The following CATSPERB variants were observed in gnomAD, a reference collection of about 807,000 sequenced individuals.
The protein encoded by CATSPERB is cation channel sperm-associated auxiliary subunit beta.
In CATSPERB, 93 loss-of-function variants were observed where a neutral mutation model predicts 128.3. The observed-to-expected ratio is 0.72, with a 90% confidence interval of 0.61 to 0.86. CATSPERB has a LOEUF of 0.86. Ranked by LOEUF, CATSPERB falls within the 40% of genes least tolerant of loss-of-function variation. The probability of loss-of-function intolerance (pLI) is 0.00; values close to 1 mark genes in which losing one functional copy is unlikely to be tolerated. For synonymous variants in CATSPERB, 381 were observed against 448.8 expected, an observed-to-expected ratio of 0.85 and a Z score of 1.91; for missense variants, 1,153 against 1,329.5, an observed-to-expected ratio of 0.87 and a Z score of 2.06.
chr14:91,590,147 A>G (rs1014571117), intron 23 of CATSPERB, among the ~76,000 whole-genome samples: 1 of 152,212 alleles, frequency 6.6e-6, no homozygotes, highest in Non-Finnish European at 1.5e-5. Context: ...ATCACGGAGA[A>G]GGCTTAGAGT....
chr14:91,632,142 T>G (rs1285609), intron 17 of CATSPERB, among the ~76,000 whole-genome samples: 100,906 of 151,974 alleles, frequency 0.66, 34,319 homozygotes, highest in Admixed American at 0.76. Context: ...TGAACTAAAC[T>G]CTCCAACTAA....
intron 15 of CATSPERB, among the ~76,000 whole-genome samples, chr14:91,648,667 T>C (rs1894650136): frequency 1.3e-5 from 2 of 152,348 alleles, no homozygotes; most frequent in South Asian, 4.1e-4. Context: ...TATTGAATAC[T>C]TTCAGCCTAA....
intron 14 of CATSPERB, among the ~76,000 whole-genome samples, chr14:91,665,917 T>C (rs918093910): frequency 3.9e-5 from 6 of 152,272 alleles, no homozygotes; most frequent in Admixed American, 2.6e-4. Context: ...CCTACCCAGA[T>C]CTCATCTTGA....
At chr14:91,590,329 G>C (rs1295652089) in intron 23 of CATSPERB, among the ~76,000 whole-genome samples, 1 of 152,132 alleles carries the variant, frequency 6.6e-6, no homozygotes, top group African/African-American at 2.4e-5. Context: ...TCAGGAGTTT[G>C]AGACCAGTAT....
At chr14:91,674,924 C>G (rs1054243063) in intron 11 of CATSPERB, among the ~76,000 whole-genome samples, 16 of 152,216 alleles carry the variant, frequency 1.1e-4, no homozygotes, top group Non-Finnish European at 1.8e-4. Context: ...GTTCCCCCTT[C>G]TAAACTCCTC....
At chr14:91,694,274 G>A (rs968136348) in intron 7 of CATSPERB, among the ~76,000 whole-genome samples, 2 of 151,616 alleles carry the variant, frequency 1.3e-5, no homozygotes, top group East Asian at 1.9e-4. Context: ...GTATAACCCT[G>A]TCTCTACAAA....
At chr14:91,650,692 C>CCATG (rs1361654310) in intron 15 of CATSPERB, among the ~76,000 whole-genome samples, 10 of 150,732 alleles carry the variant, frequency 6.6e-5, no homozygotes, top group Non-Finnish European at 8.9e-5. Context: ...TTGTATTTAT[C>CCATG]CATCCATCCA....
At chr14:91,683,611 TTAGTCTACAACCTGGCC>T (rs918751697) in intron 11 of CATSPERB, among the ~76,000 whole-genome samples, 1 of 151,970 alleles carries the variant, frequency 6.6e-6, no homozygotes, top group Non-Finnish European at 1.5e-5. Flanking sequence ...CTCAAGGAGG[TTAGTCTACAACCTGGCC>T]ATCGTGAAGA....
Position 91,693,430 on chromosome 14 carries a change from G to A in CATSPERB, c.666C>T (p.Thr222=), listed in dbSNP as rs762524970. The change falls in exon 8 of 27, where the codon ACC becomes ACT. Residue 222 remains threonine, a synonymous_variant. Transcript: ENST00000256343. The stretch of plus-strand genomic sequence containing the variant: ...TAGTCTGTGTCATGTTAAACCATGT[G>A]GTATCATAATCATGCCAGAATCCAC... ...TFGGFWHDYD[T]TWFNMTQTIY... 6.2e-7 allele frequency: 1 copy of A among 1,613,992 alleles called. No homozygotes were observed. The highest frequency in any genetic ancestry group is 2.2e-5 in the East Asian group (1 of 44,874).
intron 16 of CATSPERB, among the ~76,000 whole-genome samples, chr14:91,637,388 A>G (rs1166368275): frequency 1.3e-5 from 2 of 152,190 alleles, no homozygotes; most frequent in Non-Finnish European, 2.9e-5. Flanking sequence ...AGGAAAATCA[A>G]TGTGGGATTG....
intron 1 of CATSPERB, among the ~76,000 whole-genome samples, chr14:91,730,417 T>C (rs1896192471): frequency 6.6e-6 from 1 of 152,206 alleles, no homozygotes; most frequent in Non-Finnish European, 1.5e-5. Context: ...GACACCTTGA[T>C]CTCAGATTTC....
chr14:91,645,905 T>G (rs1894593179), intron 15 of CATSPERB, among the ~76,000 whole-genome samples: 1 of 146,418 alleles, frequency 6.8e-6, no homozygotes, highest in South Asian at 2.4e-4. Flanking sequence ...GGATATAGTC[T>G]CGTGGTGCGC....
At chr14:91,683,490 C>A (rs1426131040) in intron 11 of CATSPERB, among the ~76,000 whole-genome samples, 1 of 151,848 alleles carries the variant, frequency 6.6e-6, no homozygotes, top group African/African-American at 2.4e-5. Flanking sequence ...TCCCACCCGA[C>A]ACTCCCTTGT....
Position 91,672,890 on chromosome 14 carries a change from C to G in CATSPERB, c.1105G>C (p.Gly369Arg), listed in dbSNP as rs771591172. 6.3e-7 allele frequency: 1 copy of G among 1,585,470 alleles called. No homozygotes were observed. The highest frequency in any genetic ancestry group is 2.0e-5 in the Admixed American group (1 of 50,106). ...TFLVDQERGT[G>R]VYLFYNKVRK... ...ACCTTGTTATAGAAGAGGTAAACTCCAGTACCACGCTCTTGGTCAACAAGA... is the reference window on the plus strand; with the variant it reads ...ACCTTGTTATAGAAGAGGTAAACTCGAGTACCACGCTCTTGGTCAACAAGA... Residue 369 changes from glycine (G) to arginine (R), a missense_variant, in exon 13 of 27, where the codon GGA becomes CGA. Coordinates refer to ENST00000256343, the MANE Select transcript of CATSPERB (RefSeq NM_024764.4).
intron 11 of CATSPERB, among the ~76,000 whole-genome samples, chr14:91,679,208 A>G (rs1486147252): frequency 6.6e-6 from 1 of 152,178 alleles, no homozygotes; most frequent in African/African-American, 2.4e-5. Flanking sequence ...TATTTCATCT[A>G]TAAAATGTTA....
intron 14 of CATSPERB, among the ~76,000 whole-genome samples, chr14:91,663,438 G>A (rs1465424924): frequency 6.6e-6 from 1 of 152,090 alleles, no homozygotes; most frequent in African/African-American, 2.4e-5. Context: ...GAGGTCAGGA[G>A]ATCGAGACCA....
chr14:91,728,203 T>A (rs1896150344), intron 2 of CATSPERB, among the ~76,000 whole-genome samples: 1 of 152,178 alleles, frequency 6.6e-6, no homozygotes, highest in South Asian at 2.1e-4. Context: ...AACTTCTGCC[T>A]CCTGGGGCTC....
At chr14:91,713,605 T>C (rs141820929) in intron 5 of CATSPERB, among the ~76,000 whole-genome samples, 127 of 152,274 alleles carry the variant, frequency 8.3e-4, no homozygotes, top group African/African-American at 2.9e-3. Flanking sequence ...AGACACAAAC[T>C]GTCAAAGCTC....
At chr14:91,603,529 G>A (rs566405033) in intron 22 of CATSPERB, 30 of 837,858 alleles carry the variant, frequency 3.6e-5, no homozygotes, top group South Asian at 3.2e-4. Flanking sequence ...CAGCAAGGAA[G>A]GGGTGCAGGC....
Sources: allele counts gnomAD v4.1 joint callset (sites outside exome capture counted in the v4.1 genomes callset), GRCh38; gene constraint gnomAD v4.1.1; transcripts MANE v1.5; gene names NCBI Gene and HGNC (gene_info 2026-07-23, HGNC 2026-07-21).